The following SORCS3 variants were observed in gnomAD, a reference collection of about 807,000 sequenced individuals.
SORCS3 encodes the protein sortilin related VPS10 domain containing receptor 3.
A neutral mutation model predicts 146.3 loss-of-function variants in SORCS3; 57 were observed. That is an observed-to-expected ratio of 0.39 (90% CI 0.31 to 0.49). The LOEUF (loss-of-function observed/expected upper bound fraction) is 0.49. Ranked by LOEUF, SORCS3 falls within the 20% of genes least tolerant of loss-of-function variation. The pLI, the probability that SORCS3 is intolerant of heterozygous loss-of-function variation, is 0.92. For synonymous variants in SORCS3, 653 were observed against 618.5 expected, an observed-to-expected ratio of 1.06 and a Z score of -0.83; for missense variants, 1,341 against 1,575.5, an observed-to-expected ratio of 0.85 and a Z score of 2.52.
intron 5 of SORCS3, among the ~76,000 whole-genome samples, chr10:105,052,090 A>G (rs2055417341): frequency 6.6e-6 from 1 of 152,134 alleles, no homozygotes. Flanking sequence ...AGAAGTCAAG[A>G]CATGCCGGAC....
intron 24 of SORCS3, 34 bp from the exon 25 acceptor site, chr10:105,256,785 T>A (rs778044718): frequency 3.3e-5 from 50 of 1,534,040 alleles, no homozygotes; most frequent in Non-Finnish European, 3.6e-5. Context: ...AGTGAGCATA[T>A]CTGTTCTTTT....
rs1265599722 is a variant in SORCS3 at position 105,256,874 on chromosome 10, A to T, written c.3393A>T (p.Leu1131Phe). 2.5e-6 allele frequency: 4 copies of T among 1,614,190 alleles called. No homozygotes were observed. The highest frequency in any genetic ancestry group is 2.7e-5 in the African/African-American group (2 of 75,058). Residue 1131 changes from leucine to phenylalanine, a missense_variant, in exon 25 of 27, where the codon TTA becomes TTT. By Grantham distance (22) the Leu-to-Phe change is conservative (BLOSUM62 0). Transcript: ENST00000369701. ...GHSSSAMLML[L>F]SVVFVGLAVF... is the part of the protein sequence containing the mutation. ...GCAGCTCAGCCATGCTTATGCTATT[A>T]TCAGTGGTATTTGTTGGCCTGGCTG...
intron 1 of SORCS3, among the ~76,000 whole-genome samples, chr10:104,660,624 T>C (rs2015688972): frequency 6.6e-6 from 1 of 152,186 alleles, no homozygotes; most frequent in African/African-American, 2.4e-5. Context: ...CTTCACTTTT[T>C]TTTTCTGAGC....
At chr10:104,722,334 G>A (rs966489949) in intron 1 of SORCS3, among the ~76,000 whole-genome samples, 2 of 152,176 alleles carry the variant, frequency 1.3e-5, no homozygotes, top group African/African-American at 4.8e-5. Flanking sequence ...AAGCCCACTT[G>A]ATCATGGTGG....
At chr10:104,680,556 G>A (rs186776341) in intron 1 of SORCS3, among the ~76,000 whole-genome samples, 97 of 152,338 alleles carry the variant, frequency 6.4e-4, no homozygotes, top group African/African-American at 2.1e-3. Context: ...ATAACCGTGG[G>A]TGAGTCATTT....
At chr10:105,146,708 G>A (rs1037315133) in intron 8 of SORCS3, among the ~76,000 whole-genome samples, 2 of 152,104 alleles carry the variant, frequency 1.3e-5, no homozygotes, top group African/African-American at 4.8e-5. Context: ...CCATTTGATA[G>A]CCATATAATC....
intron 17 of SORCS3, among the ~76,000 whole-genome samples, chr10:105,212,982 T>C (rs1055598490): frequency 3.5e-4 from 54 of 152,214 alleles, no homozygotes; most frequent in African/African-American, 1.2e-3. Context: ...AATAAGGTGA[T>C]ATTAATTTTA....
chr10:104,741,699 G>GTTTTTT (rs2016844335), intron 1 of SORCS3, among the ~76,000 whole-genome samples: 1 of 7,832 alleles, frequency 1.3e-4, no homozygotes, highest in African/African-American at 4.4e-4. Flanking sequence ...TTCCATTCTG[G>GTTTTTT]GTTTTTTTTT....
At chr10:104,657,373 C>T (rs2015644036) in intron 1 of SORCS3, among the ~76,000 whole-genome samples, 1 of 152,174 alleles carries the variant, frequency 6.6e-6, no homozygotes, top group Non-Finnish European at 1.5e-5. Flanking sequence ...AGCGTTTTTG[C>T]AGCAGGTAAA....
At chr10:104,759,977 C>A (rs570686463) in intron 1 of SORCS3, among the ~76,000 whole-genome samples, 4 of 152,282 alleles carry the variant, frequency 2.6e-5, no homozygotes, top group African/African-American at 9.6e-5. Flanking sequence ...CGAGGGGAAG[C>A]AAGGGACAGC....
rs75963054 is a variant in SORCS3, at chr10:105,128,609, T to C, written c.1213-10788T>C. 7.8e-4 allele frequency among the ~76,000 whole-genome samples: 119 copies of C among 152,342 alleles called. No individual in the cohort carries two copies. The East Asian group carries it at 0.014, about 18-fold the overall frequency. On this transcript the variant is annotated intron_variant, in intron 7 of 26. Transcript: ENST00000369701. Reference sequence around the variant, plus strand: ...CCTGTGGCTGAAGATGTTTCTGTTCTATAGCTGTGGCCATCATTTTCTGCT... The same window carrying C: ...CCTGTGGCTGAAGATGTTTCTGTTCCATAGCTGTGGCCATCATTTTCTGCT...
chr10:105,028,903 G>T (rs2055247352), intron 4 of SORCS3, among the ~76,000 whole-genome samples: 1 of 152,178 alleles, frequency 6.6e-6, no homozygotes, highest in Non-Finnish European at 1.5e-5. Flanking sequence ...GTACCTAAGA[G>T]CAGGGGTCAG....
intron 2 of SORCS3, among the ~76,000 whole-genome samples, chr10:104,914,667 T>C (rs895810769): frequency 1.2e-4 from 19 of 152,182 alleles, no homozygotes; most frequent in Admixed American, 5.9e-4. Flanking sequence ...TATATAGTTT[T>C]AAGTACTAAG....
At chr10:104,739,407 A>C (rs542113117) in intron 1 of SORCS3, among the ~76,000 whole-genome samples, 4 of 152,318 alleles carry the variant, frequency 2.6e-5, no homozygotes, top group Admixed American at 1.3e-4. Flanking sequence ...GCCTGTGTTC[A>C]TGACTGCTCC....
chr10:105,120,454 C>T (rs527274150), intron 7 of SORCS3, among the ~76,000 whole-genome samples: 2 of 152,196 alleles, frequency 1.3e-5, no homozygotes, highest in South Asian at 4.2e-4. Context: ...TGCCAATGAC[C>T]CCAATGTTCC....
At chr10:104,642,587 G>A (rs963471505) in intron 1 of SORCS3, among the ~76,000 whole-genome samples, 1 of 152,032 alleles carries the variant, frequency 6.6e-6, no homozygotes, top group African/African-American at 2.4e-5. Context: ...AGCGGCCCTG[G>A]AAAGCCGTAG....
At chr10:104,705,001 C>T (rs1034567382) in intron 1 of SORCS3, among the ~76,000 whole-genome samples, 6 of 152,174 alleles carry the variant, frequency 3.9e-5, no homozygotes, top group Non-Finnish European at 8.8e-5. Context: ...CCTTAACCCC[C>T]TCTTCCCTCA....
At chr10:105,250,049 C>T (rs759502527) in intron 22 of SORCS3, among the ~76,000 whole-genome samples, 1 of 152,102 alleles carries the variant, frequency 6.6e-6, no homozygotes, top group Non-Finnish European at 1.5e-5. Flanking sequence ...AGTACAAGAT[C>T]AAGATGCTGG....
At chr10:105,131,587 A>T (rs192968466) in intron 7 of SORCS3, among the ~76,000 whole-genome samples, 1 of 152,174 alleles carries the variant, frequency 6.6e-6, no homozygotes, top group African/African-American at 2.4e-5. Context: ...CCGTGGGTGC[A>T]TTAGTCTGTT....
Sources: allele counts gnomAD v4.1 joint callset (sites outside exome capture counted in the v4.1 genomes callset), GRCh38; gene constraint gnomAD v4.1.1; transcripts MANE v1.5; gene names NCBI Gene and HGNC (gene_info 2026-07-23, HGNC 2026-07-21).